The following ST6GALNAC3 variants were observed in gnomAD, a reference collection of about 807,000 sequenced individuals.
ST6GALNAC3 encodes alpha-N-acetylgalactosaminide alpha-2,6-sialyltransferase 3.
In ST6GALNAC3, 25 loss-of-function variants were observed where a neutral mutation model predicts 32.7. The observed-to-expected ratio is 0.76, with a 90% CI of 0.56 to 1.07. ST6GALNAC3 has a LOEUF of 1.07. Among genes scored for constraint, ST6GALNAC3 ranks in the 50% least tolerant of loss-of-function variants. ST6GALNAC3 has a pLI of 0.00. For synonymous variants in ST6GALNAC3, 129 were observed against 133.1 expected (o/e 0.97, Z 0.21); for missense variants, 355 against 382.4 (o/e 0.93, Z 0.60).
chr1:76,104,890 C>T (rs1647415804), intron 1 of ST6GALNAC3, among the ~76,000 whole-genome samples: 1 of 152,096 alleles, frequency 6.6e-6, no homozygotes, highest in Non-Finnish European at 1.5e-5. Flanking sequence ...TTTTTAAAAC[C>T]ATCAGATCTT....
chr1:76,594,782 A>ATT (rs1647106621), intron 3 of ST6GALNAC3, among the ~76,000 whole-genome samples: 1 of 152,152 alleles, frequency 6.6e-6, no homozygotes, highest in Non-Finnish European at 1.5e-5. Flanking sequence ...TCTTGATTTT[A>ATT]TTTATGTGAC....
At chr1:76,455,200 A>G (rs750570505) in intron 3 of ST6GALNAC3, among the ~76,000 whole-genome samples, 2 of 152,108 alleles carry the variant, frequency 1.3e-5, no homozygotes, top group Non-Finnish European at 2.9e-5. Flanking sequence ...TATTATTTAC[A>G]TCTATCATTA....
intron 1 of ST6GALNAC3, among the ~76,000 whole-genome samples, chr1:76,088,142 G>T (rs1194991854): frequency 6.6e-6 from 1 of 152,134 alleles, no homozygotes; most frequent in African/African-American, 2.4e-5. Context: ...CATTTTACAG[G>T]TAAGGAAACT....
At chr1:76,146,224 A>G (rs1650674045) in intron 1 of ST6GALNAC3, among the ~76,000 whole-genome samples, 1 of 152,196 alleles carries the variant, frequency 6.6e-6, no homozygotes, top group South Asian at 2.1e-4. Context: ...GCTTCTTCAA[A>G]ATTCACTGTC....
At chr1:76,504,846 A>C (rs1417073697) in intron 3 of ST6GALNAC3, among the ~76,000 whole-genome samples, 5 of 152,196 alleles carry the variant, frequency 3.3e-5, no homozygotes, top group Non-Finnish European at 7.3e-5. Flanking sequence ...TTTTAATAAG[A>C]AGCATATTAA....
intron 3 of ST6GALNAC3, among the ~76,000 whole-genome samples, chr1:76,561,783 A>C (rs1198409955): frequency 6.6e-6 from 1 of 152,176 alleles, no homozygotes; most frequent in Non-Finnish European, 1.5e-5. Flanking sequence ...ATAAAAACAC[A>C]TCCACACAAA....
intron 3 of ST6GALNAC3, among the ~76,000 whole-genome samples, chr1:76,458,949 A>C (rs1458468770): frequency 6.6e-6 from 1 of 152,142 alleles, no homozygotes; most frequent in African/African-American, 2.4e-5. Flanking sequence ...AGTTCACATG[A>C]ATCTTGCATC....
At chr1:76,153,471 C>T (rs1651184073) in intron 1 of ST6GALNAC3, among the ~76,000 whole-genome samples, 1 of 152,140 alleles carries the variant, frequency 6.6e-6, no homozygotes, top group Non-Finnish European at 1.5e-5. Context: ...CAGGACCTCA[C>T]CTGCCTGTGC....
chr1:76,498,632 C>T (rs1157172465), intron 3 of ST6GALNAC3, among the ~76,000 whole-genome samples: 1 of 152,012 alleles, frequency 6.6e-6, no homozygotes, highest in Non-Finnish European at 1.5e-5. Context: ...CCTTTAACCA[C>T]CATTTTCGGA....
In ST6GALNAC3 at chr1:76,632,618, C is replaced by G. The variant is rs1649352429; in HGVS notation, c.*3812C>G. 2 of 152,028 alleles carry G rather than the reference C, an allele frequency of 1.3e-5. No homozygotes were observed. 9.4% of individuals were successfully genotyped at this position (152,028 alleles called of 1,614,324 possible). ...TGGTATGAATCAGCTGAGGTAGGAA[C>G]AAGAGTCTGAATTGGGGACCTGCTG... On this transcript the variant is annotated 3_prime_UTR_variant, in exon 5 of 5. Coordinates refer to ENST00000328299, the MANE Select transcript of ST6GALNAC3 (RefSeq NM_152996.4).
intron 3 of ST6GALNAC3, among the ~76,000 whole-genome samples, chr1:76,521,005 TTTAGA>T (rs1662496521): frequency 6.6e-6 from 1 of 152,098 alleles, no homozygotes; most frequent in African/African-American, 2.4e-5. Context: ...TTTTCTTTCT[TTTAGA>T]TTAATCAGGT....
At chr1:76,239,005 G>A (rs1656821418) in intron 1 of ST6GALNAC3, among the ~76,000 whole-genome samples, 2 of 145,046 alleles carry the variant, frequency 1.4e-5, no homozygotes, top group Non-Finnish European at 3.0e-5. Flanking sequence ...AGATAGAAGT[G>A]AGCACAAAAG....
intron 1 of ST6GALNAC3, among the ~76,000 whole-genome samples, chr1:76,172,586 C>T (rs986642061): frequency 1.1e-4 from 10 of 90,616 alleles, no homozygotes; most frequent in African/African-American, 2.9e-4. Flanking sequence ...ATTTAAAAAC[C>T]CCATCACCTC....
At chr1:76,120,258 T>C (rs948418098) in intron 1 of ST6GALNAC3, among the ~76,000 whole-genome samples, 1 of 152,214 alleles carries the variant, frequency 6.6e-6, no homozygotes, top group African/African-American at 2.4e-5. Context: ...GGGATTTTCC[T>C]TACAGTTCTA....
At chr1:76,391,586 TC>T (rs1272980468) in intron 2 of ST6GALNAC3, among the ~76,000 whole-genome samples, 1 of 106,410 alleles carries the variant, frequency 9.4e-6, no homozygotes, top group Non-Finnish European at 1.9e-5. Context: ...CACTTCCCTT[TC>T]ACCTTCCCCT....
intron 3 of ST6GALNAC3, among the ~76,000 whole-genome samples, chr1:76,590,601 AT>A (rs1459262775): frequency 3.3e-5 from 5 of 152,200 alleles, no homozygotes; most frequent in African/African-American, 9.6e-5. Context: ...GGATGTACTC[AT>A]TTTTTTAAAC....
rs537315616 is a variant in ST6GALNAC3, at chr1:76,101,764, A to G, written c.18+26880A>G. 2.6e-4 allele frequency among the ~76,000 whole-genome samples: 40 copies of G among 152,284 alleles called. No homozygotes were observed. The South Asian group carries it at 8.1e-3, about 31-fold the overall frequency. On this transcript the variant is annotated intron_variant, in intron 1 of 4. Transcript: ENST00000328299. ...ATTTTATTATCATTCAGTTAAGAGC[A>G]GTTTCTAATTTCTACCAGGGATTTT...
At chr1:76,147,156 G>A (rs1650739097) in intron 1 of ST6GALNAC3, among the ~76,000 whole-genome samples, 1 of 150,400 alleles carries the variant, frequency 6.6e-6, no homozygotes, top group East Asian at 2.0e-4. Flanking sequence ...TCTGCCTCCT[G>A]GGTTCAAGTG....
In ST6GALNAC3 at chr1:76,074,771, A is replaced by C. The variant is rs1294261310; in HGVS notation, c.-96A>C. 6 of 1,350,426 alleles carry C rather than the reference A, an allele frequency of 4.4e-6. No homozygotes were observed. The highest frequency in any genetic ancestry group is 5.2e-5 in the East Asian group (2 of 38,760). 83.7% of individuals were successfully genotyped at this position (1,350,426 alleles called of 1,614,324 possible). A position where few individuals can be genotyped will look rare whatever the true frequency, so the allele number is the denominator to read the frequency against. ...GGATCTGCGGGAATGTGGGCTGGAG[A>C]GGTCCTGCCGTGGTACCAGCCTCCA... is the stretch of plus-strand genomic sequence containing the variant. On this transcript the variant is annotated 5_prime_UTR_variant, in exon 1 of 5. Coordinates refer to ENST00000328299, the MANE Select transcript of ST6GALNAC3 (RefSeq NM_152996.4).
Sources: allele counts gnomAD v4.1 joint callset (sites outside exome capture counted in the v4.1 genomes callset), GRCh38; gene constraint gnomAD v4.1.1; transcripts MANE v1.5; gene names NCBI Gene and HGNC (gene_info 2026-07-23, HGNC 2026-07-21).